DIAPH3: variants seen among roughly 807,000 people sequenced by gnomAD.
The protein encoded by DIAPH3 is protein diaphanous homolog 3.
A neutral mutation model predicts 144.3 loss-of-function variants in DIAPH3; 117 were observed. That is an observed-to-expected ratio of 0.81 (90% CI 0.70 to 0.95). The LOEUF (loss-of-function observed/expected upper bound fraction) is 0.95. Among genes scored for constraint, DIAPH3 ranks in the 40% least tolerant of loss-of-function variants. DIAPH3 has a pLI of 0.00. For missense variants in DIAPH3, 1,421 were observed against 1,412.7 expected (o/e 1.01, Z -0.09); for synonymous variants, 519 against 488.9 (o/e 1.06, Z -0.81).
At chr13:60,152,329 C>G (rs1951826041) in intron 1 of DIAPH3, among the ~76,000 whole-genome samples, 1 of 151,894 alleles carries the variant, frequency 6.6e-6, no homozygotes, top group South Asian at 2.1e-4. Flanking sequence ...GGATATATCC[C>G]ACATCCCTCA....
chr13:59,919,155 G>A (rs900756486), intron 18 of DIAPH3, among the ~76,000 whole-genome samples: 1 of 151,880 alleles, frequency 6.6e-6, no homozygotes, highest in Non-Finnish European at 1.5e-5. Context: ...GAATGAAAAG[G>A]AATGAAGAAA....
intron 21 of DIAPH3, among the ~76,000 whole-genome samples, chr13:59,876,253 A>G (rs1485628521): frequency 6.6e-6 from 1 of 152,158 alleles, no homozygotes; most frequent in Non-Finnish European, 1.5e-5. Context: ...ATATGATGAG[A>G]TATCATCTTG....
intron 21 of DIAPH3, among the ~76,000 whole-genome samples, chr13:59,863,114 G>A (rs932946013): frequency 1.3e-5 from 2 of 152,106 alleles, no homozygotes; most frequent in Non-Finnish European, 2.9e-5. Flanking sequence ...ACAGGGAGAG[G>A]TAGTTAAGCT....
At chr13:59,749,229 A>AAAAAAG in intron 27 of DIAPH3, among the ~76,000 whole-genome samples, 1 of 148,546 alleles carries the variant, frequency 6.7e-6, no homozygotes, top group Middle Eastern at 3.4e-3. Flanking sequence ...AAAAAAAAAA[A>AAAAAAG]AAAAAGTACG....
At position 59,762,122 on chromosome 13, in the gene DIAPH3, G is replaced by A. The variant is rs144485641; in HGVS notation, c.3319+12067C>T. On this transcript the variant is annotated intron_variant, in intron 27 of 27. Coordinates refer to ENST00000400324, the MANE Select transcript of DIAPH3 (RefSeq NM_001042517.2). ...TTGCCAGGCTGAAGTGCAGTGGCGC[G>A]ATCTCAACTCACTGCAACCTCTTCC... 5.5e-3 allele frequency among the ~76,000 whole-genome samples: 752 copies of A among 137,512 alleles called. 5 individuals are homozygous for A. Among genetic ancestry groups the A allele is most frequent in the South Asian group, 0.035 (146 of 4,228 alleles). 90.2% of individuals were successfully genotyped at this position (137,512 alleles called of 152,430 possible).
At chr13:60,022,677 T>C (rs1462872815) in intron 5 of DIAPH3, among the ~76,000 whole-genome samples, 1 of 152,160 alleles carries the variant, frequency 6.6e-6, no homozygotes, top group African/African-American at 2.4e-5. Flanking sequence ...GGATCAAGAC[T>C]TTACCCTACT....
At chr13:59,846,642 TCTACAACAAA>T (rs1416451625) in intron 22 of DIAPH3, among the ~76,000 whole-genome samples, 1 of 151,996 alleles carries the variant, frequency 6.6e-6, no homozygotes, top group East Asian at 1.9e-4. Flanking sequence ...ATTAAGTAGG[TCTACAACAAA>T]ACCTAAATTC....
rs1269794366 is a variant in DIAPH3 at position 60,110,075 on chromosome 13, T to A, written c.390+1935A>T. Reference sequence around the variant, plus strand: ...AAATGAGTATGAATGTTGAAGTTATTACACTGTACTTCACATTCATTAAGT... The same window carrying A: ...AAATGAGTATGAATGTTGAAGTTATAACACTGTACTTCACATTCATTAAGT... On this transcript the variant is annotated intron_variant, in intron 3 of 27. Transcript: ENST00000400324. Among the ~76,000 whole-genome samples, 9 of 152,222 alleles carry A rather than the reference T, an allele frequency of 5.9e-5. No homozygotes were observed. The East Asian group carries it at 1.2e-3, about 20-fold the overall frequency.
intron 2 of DIAPH3, among the ~76,000 whole-genome samples, chr13:60,115,461 T>A (rs554505081): frequency 7.9e-4 from 120 of 152,302 alleles, no homozygotes; most frequent in African/African-American, 2.8e-3. Context: ...GGTGACATTT[T>A]AAGTAGATAC....
rs139461645 is a variant in DIAPH3, at chr13:59,846,614, TA to T, written c.2738-7167del. ...TGGTCCAAAACAAACCTCAGTAGTA[TA>T]AAAAAAAATCTTGACTATTAAGTAG... On this transcript the variant is annotated intron_variant, in intron 22 of 27. Transcript: ENST00000400324. Among the ~76,000 whole-genome samples, 230 of 151,262 alleles carry T rather than the reference TA, an allele frequency of 1.5e-3. 1 individual carries two copies. The highest frequency in any genetic ancestry group is 5.3e-3 in the African/African-American group (218 of 41,238).
At chr13:59,901,843 T>C (rs965451209) in intron 20 of DIAPH3, among the ~76,000 whole-genome samples, 2 of 152,146 alleles carry the variant, frequency 1.3e-5, no homozygotes, top group Admixed American at 6.6e-5. Flanking sequence ...CATACACTAC[T>C]GGAATAGTTG....
chr13:60,160,364 A>C (rs1381744499), intron 1 of DIAPH3, among the ~76,000 whole-genome samples: 2 of 152,126 alleles, frequency 1.3e-5, no homozygotes, highest in African/African-American at 4.8e-5. Flanking sequence ...CTTTTAGAGG[A>C]CTCTCCTAAT....
intron 17 of DIAPH3, among the ~76,000 whole-genome samples, chr13:59,937,986 C>T (rs962915915): frequency 6.6e-6 from 1 of 152,124 alleles, no homozygotes; most frequent in Admixed American, 6.6e-5. Context: ...TCCTGTCTCT[C>T]TCTCTCTGCT....
intron 5 of DIAPH3, among the ~76,000 whole-genome samples, chr13:60,035,206 G>A (rs1194950170): frequency 1.3e-5 from 2 of 152,046 alleles, no homozygotes; most frequent in Non-Finnish European, 2.9e-5. Context: ...GAATACACGT[G>A]TCTGTTAAAA....
chr13:59,703,302 A>C (rs2034221954), intron 27 of DIAPH3, among the ~76,000 whole-genome samples: 1 of 152,240 alleles, frequency 6.6e-6, no homozygotes, highest in African/African-American at 2.4e-5. Context: ...AATACTTTGA[A>C]TATATTGGGT....
rs1057497907 is a variant in DIAPH3, at chr13:59,898,822, G to A, written c.2367+12913C>T. Among the ~76,000 whole-genome samples, 9 of 152,304 alleles carry A rather than the reference G, an allele frequency of 5.9e-5. No individual in the cohort carries two copies. The East Asian group carries it at 1.2e-3, about 20-fold the overall frequency. The stretch of plus-strand genomic sequence containing the variant: ...TGTCAACTTGTTTGGATTGAAGGAT[G>A]CAAAGTATTGTTCCTGGGTATGTCT... On this transcript the variant is annotated intron_variant, in intron 20 of 27. Coordinates refer to ENST00000400324, the MANE Select transcript of DIAPH3 (RefSeq NM_001042517.2).
intron 17 of DIAPH3, 35 bp from the exon 18 acceptor site, chr13:59,924,905 C>A (rs1188196420): frequency 6.3e-7 from 1 of 1,580,486 alleles, no homozygotes; most frequent in Admixed American, 1.7e-5. Flanking sequence ...TTAGGGGCAG[C>A]AATTCATTCA....
intron 22 of DIAPH3, among the ~76,000 whole-genome samples, chr13:59,859,164 C>T (rs1176226504): frequency 1.3e-5 from 2 of 152,072 alleles, no homozygotes; most frequent in African/African-American, 2.4e-5. Flanking sequence ...TTATGCTTAA[C>T]AATCACCTAT....
At chr13:60,026,454 A>C (rs1270707704) in intron 5 of DIAPH3, among the ~76,000 whole-genome samples, 1 of 152,182 alleles carries the variant, frequency 6.6e-6, no homozygotes, top group Non-Finnish European at 1.5e-5. Flanking sequence ...GCTCTGCCAG[A>C]GCCTTTATGA....
Sources: gnomAD v4.1 joint callset for allele counts (sites outside exome capture counted in the v4.1 genomes callset) on GRCh38, gnomAD v4.1.1 for gene constraint, MANE v1.5 for transcripts, NCBI Gene and HGNC (gene_info 2026-07-23, HGNC 2026-07-21) for gene names.